The following PDZRN4 variants were observed in gnomAD, a reference collection of about 807,000 sequenced individuals.
The protein encoded by PDZRN4 is PDZ domain-containing RING finger protein 4.
In PDZRN4, 70 loss-of-function variants were observed where a neutral mutation model predicts 99.0. The ratio of observed to expected loss-of-function variants is 0.71; its 90% CI spans 0.58 to 0.86. The LOEUF (loss-of-function observed/expected upper bound fraction) is 0.86. Among genes scored for constraint, PDZRN4 ranks in the 40% least tolerant of loss-of-function variants. The pLI, the probability that PDZRN4 is intolerant of heterozygous loss-of-function variation, is 0.00. For synonymous variants in PDZRN4, 551 were observed against 501.6 expected, an observed-to-expected ratio of 1.10 and a Z score of -1.32; for missense variants, 1,474 against 1,331.2, an observed-to-expected ratio of 1.11 and a Z score of -1.67.
intron 3 of PDZRN4, among the ~76,000 whole-genome samples, chr12:41,369,277 G>A (rs1424100741): frequency 1.3e-5 from 2 of 151,994 alleles, no homozygotes; most frequent in East Asian, 1.9e-4. Flanking sequence ...AGAATGGTAT[G>A]ATAAAATCTT....
intron 4 of PDZRN4, among the ~76,000 whole-genome samples, chr12:41,508,677 G>T (rs1938250644): frequency 6.6e-6 from 1 of 152,166 alleles, no homozygotes; most frequent in Non-Finnish European, 1.5e-5. Flanking sequence ...TAGACACAAG[G>T]CAAGGTGCTG....
rs539459630 is a variant in PDZRN4 at position 41,469,759 on chromosome 12, G to A, written c.844-36697G>A. 7.9e-5 allele frequency among the ~76,000 whole-genome samples: 12 copies of A among 151,960 alleles called. No homozygotes were observed. In the South Asian group the frequency reaches 8.3e-4, roughly 11 times the overall value. Reference sequence around the variant, plus strand: ...ATCCTGGCTAACACGGTGAAACCCCGTCTCTACTAAAAATACAAAAATTAG... The same window carrying A: ...ATCCTGGCTAACACGGTGAAACCCCATCTCTACTAAAAATACAAAAATTAG... On this transcript the variant is annotated intron_variant, in intron 3 of 9. Transcript: ENST00000402685.
chr12:41,262,844 G>A (rs965500563), intron 3 of PDZRN4, among the ~76,000 whole-genome samples: 2 of 152,088 alleles, frequency 1.3e-5, no homozygotes, highest in African/African-American at 4.8e-5. Flanking sequence ...AGCAAGATAA[G>A]ATGTCGGCGT....
chr12:41,202,181 G>C (rs1419125058), intron 3 of PDZRN4, among the ~76,000 whole-genome samples: 1 of 152,094 alleles, frequency 6.6e-6, no homozygotes, highest in East Asian at 1.9e-4. Context: ...TAGAGCACTG[G>C]GGATGGCACC....
At chr12:41,507,050 A>C (rs961493620) in intron 4 of PDZRN4, among the ~76,000 whole-genome samples, 12 of 152,116 alleles carry the variant, frequency 7.9e-5, no homozygotes, top group African/African-American at 2.9e-4. Context: ...TTTTCTCACC[A>C]AAGCTGCCAA....
At chr12:41,221,698 G>A (rs1372893959) in intron 3 of PDZRN4, among the ~76,000 whole-genome samples, 2 of 151,932 alleles carry the variant, frequency 1.3e-5, no homozygotes, top group African/African-American at 4.8e-5. Flanking sequence ...GTCAAATTAC[G>A]GTGACTCAGG....
intron 3 of PDZRN4, among the ~76,000 whole-genome samples, chr12:41,213,297 G>C (rs989788426): frequency 6.6e-6 from 1 of 152,022 alleles, no homozygotes; most frequent in African/African-American, 2.4e-5. Flanking sequence ...CAGTGCAGTA[G>C]TTCAGATGCC....
In PDZRN4 at chr12:41,191,487, G is replaced by A. The variant is rs762742500; in HGVS notation, c.678G>A (p.Val226=). 16 of 1,574,124 alleles carry A rather than the reference G, an allele frequency of 1.0e-5. No individual in the cohort carries two copies. The highest frequency in any genetic ancestry group is 1.7e-5 in the Admixed American group (1 of 59,732). ...GAGAGCATAAGCCATTCACTATTGT[G>A]TTAGAAAGAGAAAATGACACTTTGG... ...RDGEHKPFTI[V]LERENDTLGF... Residue 226 remains valine (V), a synonymous_variant, in exon 2 of 10, where the codon GTG becomes GTA. Transcript: ENST00000402685.
At chr12:41,455,002 G>A (rs1007217389) in intron 3 of PDZRN4, among the ~76,000 whole-genome samples, 1 of 152,198 alleles carries the variant, frequency 6.6e-6, no homozygotes, top group Admixed American at 6.5e-5. Flanking sequence ...TTAAATTTCA[G>A]TTGCCACATG....
chr12:41,268,611 CT>C (rs1951295015), intron 3 of PDZRN4, among the ~76,000 whole-genome samples: 1 of 152,148 alleles, frequency 6.6e-6, no homozygotes, highest in Admixed American at 6.5e-5. Context: ...GTCTGTTAAA[CT>C]TTATTGTAAA....
intron 3 of PDZRN4, among the ~76,000 whole-genome samples, chr12:41,220,559 T>A (rs1950948410): frequency 6.6e-6 from 1 of 152,112 alleles, no homozygotes; most frequent in African/African-American, 2.4e-5. Context: ...CTCAGTAACA[T>A]GATTTTAAAA....
rs562858311 is a variant in PDZRN4, at chr12:41,211,959, C to A, written c.843+17771C>A. Among the ~76,000 whole-genome samples, 18 of 151,930 alleles carry A rather than the reference C, an allele frequency of 1.2e-4. No homozygotes were observed. In the South Asian group the frequency reaches 3.5e-3, roughly 30 times the overall value. On this transcript the variant is annotated intron_variant, in intron 3 of 9. Coordinates refer to ENST00000402685, the MANE Select transcript of PDZRN4 (RefSeq NM_001164595.2). ...ATTATTTCTAAAATAGGTATATTTG[C>A]CTTAGTTTAGTTTTATGGAGAAACT...
At position 41,188,843 on chromosome 12, in the gene PDZRN4, C is replaced by A. The variant is rs1260362954; in HGVS notation, c.388C>A (p.Arg130=). 1.6e-6 allele frequency: 2 copies of A among 1,266,784 alleles called. No homozygotes were observed. The highest frequency in any genetic ancestry group is 1.6e-5 in the African/African-American group (1 of 63,692). The allele number at this position is 1,266,784 out of a possible 1,614,324, so 78.5% of individuals were successfully genotyped here. A position where few individuals can be genotyped will look rare whatever the true frequency, so the allele number is the denominator to read the frequency against. Residue 130 remains arginine (R), a synonymous_variant, in exon 1 of 10, where the codon CGG becomes AGG. Coordinates refer to ENST00000402685, the MANE Select transcript of PDZRN4 (RefSeq NM_001164595.2). ...SGLGGGEVPA[R]GGCGPTPRAG... is the part of the protein sequence containing the mutation. ...GCTGGGCGGTGGTGAGGTGCCCGCG[C>A]GGGGGGGCTGCGGTCCGACACCCAG... is the stretch of plus-strand genomic sequence containing the variant.
intron 3 of PDZRN4, among the ~76,000 whole-genome samples, chr12:41,302,083 T>G (rs1458527192): frequency 6.6e-6 from 1 of 152,104 alleles, no homozygotes; most frequent in African/African-American, 2.4e-5. Flanking sequence ...TGTATGCTTG[T>G]GTGTATATGT....
At chr12:41,536,761 T>TAAAAAAAAAAAAAAAAAAAA (rs59008796) in intron 5 of PDZRN4, among the ~76,000 whole-genome samples, 2 of 137,350 alleles carry the variant, frequency 1.5e-5, no homozygotes, top group South Asian at 4.9e-4. Flanking sequence ...TATTGAAAAG[T>TAAAAAAAAAAAAAAAAAAAA]AAAAAAAAAA....
chr12:41,372,140 AG>A (rs1204250261), intron 3 of PDZRN4, among the ~76,000 whole-genome samples: 1 of 144,252 alleles, frequency 6.9e-6, no homozygotes, highest in Non-Finnish European at 1.6e-5. Flanking sequence ...AAGGGATTAA[AG>A]GGGGAAAAAA....
intron 5 of PDZRN4, among the ~76,000 whole-genome samples, chr12:41,510,684 G>A (rs1271628613): frequency 6.6e-6 from 1 of 152,066 alleles, no homozygotes; most frequent in Non-Finnish European, 1.5e-5. Flanking sequence ...AATGCTTCAG[G>A]TGATGTCATA....
intron 3 of PDZRN4, among the ~76,000 whole-genome samples, chr12:41,306,411 AT>A (rs1458266859): frequency 1.3e-5 from 2 of 151,970 alleles, no homozygotes; most frequent in Admixed American, 1.3e-4. Context: ...GTAGCTGAAT[AT>A]TTTTATTGCC....
intron 3 of PDZRN4, among the ~76,000 whole-genome samples, chr12:41,486,287 G>T (rs1937771726): frequency 6.6e-6 from 1 of 152,038 alleles, no homozygotes; most frequent in African/African-American, 2.4e-5. Flanking sequence ...ATTGAGTTGG[G>T]GATACAAAAA....
Sources: gnomAD v4.1 joint callset for allele counts (sites outside exome capture counted in the v4.1 genomes callset) on GRCh38, gnomAD v4.1.1 for gene constraint, MANE v1.5 for transcripts, NCBI Gene and HGNC (gene_info 2026-07-23, HGNC 2026-07-21) for gene names.